RPAP2: variants seen among roughly 807,000 people sequenced by gnomAD.
RPAP2 encodes RNA polymerase II associated protein 2.
RPAP2 carries 52 observed loss-of-function variants against 73.1 expected under a neutral mutation model. The ratio of observed to expected loss-of-function variants is 0.71; its 90% CI spans 0.57 to 0.90. The LOEUF is 0.90. Ranked by LOEUF, RPAP2 falls within the 40% of genes least tolerant of loss-of-function variation. RPAP2 has a pLI of 0.00. For synonymous variants in RPAP2, 225 were observed against 242.1 expected (o/e 0.93, Z 0.65); for missense variants, 598 against 701.8 (o/e 0.85, Z 1.67).
At chr1:92,318,313 A>G (rs993667623) in intron 6 of RPAP2, among the ~76,000 whole-genome samples, 1 of 152,150 alleles carries the variant, frequency 6.6e-6, no homozygotes, top group African/African-American at 2.4e-5. Context: ...CTGGGGAAAT[A>G]TTATGTTACT....
intron 11 of RPAP2, among the ~76,000 whole-genome samples, chr1:92,366,630 C>T: frequency 6.6e-6 from 1 of 152,102 alleles, no homozygotes; most frequent in Non-Finnish European, 1.5e-5. Context: ...AACAAACAAG[C>T]AAGGCAGAGA....
At chr1:92,310,475 A>C (rs1651525673) in intron 6 of RPAP2, among the ~76,000 whole-genome samples, 3 of 152,186 alleles carry the variant, frequency 2.0e-5, no homozygotes, top group African/African-American at 4.8e-5. Flanking sequence ...GGGAGGAAAA[A>C]ATTGCTTCTT....
chr1:92,309,373 C>T (rs1271707961), intron 6 of RPAP2, among the ~76,000 whole-genome samples: 3 of 149,350 alleles, frequency 2.0e-5, no homozygotes, highest in Admixed American at 6.7e-5. Context: ...ACCTGGGAGG[C>T]GGAGGTTGCA....
In RPAP2 at chr1:92,392,738, A is replaced by G. The variant is rs906980592; in HGVS notation, c.*5727A>G. The G allele has an allele frequency of 5.3e-5, 8 of 152,250 alleles. No homozygotes were observed. The highest frequency in any genetic ancestry group is 2.1e-4 in the South Asian group (1 of 4,830). The allele number at this position is 152,250 out of a possible 1,614,324, so 9.4% of individuals were successfully genotyped here. ...AAATCACAAGCATTCCTATATACCA[A>G]TAATAGACAAAGAGCCAAATCATGA... On this transcript the variant is annotated 3_prime_UTR_variant, in exon 13 of 13. Transcript: ENST00000610020.
At chr1:92,316,228 G>A (rs573088820) in intron 6 of RPAP2, among the ~76,000 whole-genome samples, 1 of 152,262 alleles carries the variant, frequency 6.6e-6, no homozygotes, top group African/African-American at 2.4e-5. Flanking sequence ...GATTTCACAC[G>A]TTGCTTCTTG....
At chr1:92,362,245 T>C (rs552321629) in intron 11 of RPAP2, among the ~76,000 whole-genome samples, 41 of 152,320 alleles carry the variant, frequency 2.7e-4, no homozygotes, top group African/African-American at 9.9e-4. Flanking sequence ...ATTTAGATTG[T>C]ATATTATAGA....
intron 11 of RPAP2, among the ~76,000 whole-genome samples, chr1:92,371,278 C>G (rs1655135065): frequency 7.1e-6 from 1 of 141,438 alleles, no homozygotes; most frequent in African/African-American, 2.6e-5. Context: ...GCAGTCCAGC[C>G]TGGGCAATAG....
At chr1:92,332,774 CTT>C (rs1653050382) in intron 8 of RPAP2, among the ~76,000 whole-genome samples, 1 of 152,106 alleles carries the variant, frequency 6.6e-6, no homozygotes, top group Non-Finnish European at 1.5e-5. Context: ...ACCCTGAACT[CTT>C]TTTATTAGAA....
intron 9 of RPAP2, among the ~76,000 whole-genome samples, chr1:92,334,151 G>A (rs1653134529): frequency 6.6e-6 from 1 of 152,062 alleles, no homozygotes; most frequent in Non-Finnish European, 1.5e-5. Flanking sequence ...TTATTTAAGG[G>A]TTGTGAATAT....
At chr1:92,345,415 G>A (rs1571099523) in intron 10 of RPAP2, among the ~76,000 whole-genome samples, 2 of 100,262 alleles carry the variant, frequency 2.0e-5, no homozygotes, top group African/African-American at 3.7e-5. Context: ...AGAGAGAGAA[G>A]AAAGAAAGAG....
intron 6 of RPAP2, among the ~76,000 whole-genome samples, chr1:92,320,007 A>G (rs576592547): frequency 1.3e-5 from 2 of 152,230 alleles, no homozygotes; most frequent in African/African-American, 2.4e-5. Flanking sequence ...TCAAAAAAAA[A>G]AAAAAGAAAA....
chr1:92,305,192 G>C (rs1230495404), intron 5 of RPAP2, among the ~76,000 whole-genome samples: 1 of 151,898 alleles, frequency 6.6e-6, no homozygotes, highest in Non-Finnish European at 1.5e-5. Context: ...CAGCACTTTG[G>C]GAGGCCGAGG....
chr1:92,344,706 A>G (rs1218893415), intron 10 of RPAP2, among the ~76,000 whole-genome samples: 1 of 152,148 alleles, frequency 6.6e-6, no homozygotes, highest in African/African-American at 2.4e-5. Context: ...TCACATCAAC[A>G]GTGTGTTAAA....
chr1:92,339,571 T>C (rs1571087663), intron 10 of RPAP2, among the ~76,000 whole-genome samples: 2 of 152,174 alleles, frequency 1.3e-5, no homozygotes. Context: ...TTAGAACTTT[T>C]ACTGAATGGA....
At chr1:92,347,194 GAAC>G (rs1369764322) in intron 11 of RPAP2, among the ~76,000 whole-genome samples, 2 of 152,124 alleles carry the variant, frequency 1.3e-5, no homozygotes, top group Non-Finnish European at 2.9e-5. Context: ...TCAACCATAA[GAAC>G]AAATCTTTTG....
chr1:92,381,390 A>G (rs1229997170), intron 12 of RPAP2, among the ~76,000 whole-genome samples: 1 of 152,110 alleles, frequency 6.6e-6, no homozygotes. Context: ...CTCTCCTACT[A>G]TCCCAAACCC....
intron 8 of RPAP2, among the ~76,000 whole-genome samples, chr1:92,330,208 A>T (rs1652878336): frequency 6.6e-6 from 1 of 152,242 alleles, no homozygotes; most frequent in South Asian, 2.1e-4. Context: ...GTACAAAGAC[A>T]GGTGGAAAAG....
chr1:92,339,665 C>T (rs12740246), intron 10 of RPAP2, among the ~76,000 whole-genome samples: 42,442 of 151,436 alleles, frequency 0.28, 6,859 homozygotes, highest in Non-Finnish European at 0.35. Context: ...TTTATTTTTC[C>T]GCCATAGAAT....
chr1:92,305,023 T>C (rs1197710676), intron 5 of RPAP2, among the ~76,000 whole-genome samples: 2 of 151,966 alleles, frequency 1.3e-5, no homozygotes, highest in African/African-American at 2.4e-5. Flanking sequence ...TAGTCCCAGC[T>C]ACTCAGAAAG....
Sources: allele counts gnomAD v4.1 joint callset (sites outside exome capture counted in the v4.1 genomes callset), GRCh38; gene constraint gnomAD v4.1.1; transcripts MANE v1.5; gene names NCBI Gene and HGNC (gene_info 2026-07-23, HGNC 2026-07-21).